The following TCF12 variants were observed in gnomAD, a reference collection of about 807,000 sequenced individuals.
TCF12 encodes transcription factor 12, also known as DNA-binding protein HTF4.
Under a neutral mutation model 86.0 loss-of-function variants are expected in TCF12, and 45 were observed. That is an observed-to-expected ratio of 0.52 (90% CI 0.41 to 0.67). TCF12 has a LOEUF of 0.67. Among genes scored for constraint, TCF12 ranks in the 30% least tolerant of loss-of-function variants. The pLI, the probability that TCF12 is intolerant of heterozygous loss-of-function variation, is 0.00. For synonymous variants in TCF12, 330 were observed against 299.6 expected (o/e 1.10, Z -1.05); for missense variants, 881 against 859.9 (o/e 1.02, Z -0.31).
At chr15:57,252,007 T>A (rs1227782741) in intron 14 of TCF12, among the ~76,000 whole-genome samples, 1 of 152,208 alleles carries the variant, frequency 6.6e-6, no homozygotes, top group African/African-American at 2.4e-5. Flanking sequence ...TGTGGGAGAA[T>A]GTTGACTACT....
intron 3 of TCF12, among the ~76,000 whole-genome samples, chr15:57,017,187 C>G (rs1458911228): frequency 6.6e-6 from 1 of 152,180 alleles, no homozygotes; most frequent in Non-Finnish European, 1.5e-5. Flanking sequence ...TATGGGTGCT[C>G]TCTCTAGAGT....
chr15:57,240,099 C>G (rs1381568883), intron 12 of TCF12, among the ~76,000 whole-genome samples: 1 of 152,142 alleles, frequency 6.6e-6, no homozygotes, highest in Admixed American at 6.6e-5. Flanking sequence ...GGGACTTTAT[C>G]AAATACAAAG....
At chr15:57,265,342 G>C (rs1202769716) in intron 18 of TCF12, among the ~76,000 whole-genome samples, 2 of 151,848 alleles carry the variant, frequency 1.3e-5, no homozygotes, top group Non-Finnish European at 2.9e-5. Context: ...AAAAATGTGC[G>C]TATTAGGTTG....
chr15:57,161,415 T>C (rs1213413548), intron 5 of TCF12, among the ~76,000 whole-genome samples: 1 of 152,256 alleles, frequency 6.6e-6, no homozygotes, highest in African/African-American at 2.4e-5. Flanking sequence ...GTCAGAATTA[T>C]CTGTCATTTC....
chr15:57,236,500 A>T (rs2059385898), intron 12 of TCF12, among the ~76,000 whole-genome samples: 1 of 152,198 alleles, frequency 6.6e-6, no homozygotes, highest in African/African-American at 2.4e-5. Flanking sequence ...GACGCTTTTA[A>T]TATAGCCTCT....
chr15:57,124,010 G>T (rs2051446787), intron 5 of TCF12, among the ~76,000 whole-genome samples: 1 of 114,732 alleles, frequency 8.7e-6, no homozygotes, highest in East Asian at 2.4e-4. Flanking sequence ...TAGGGACACA[G>T]TCTCACATTG....
At chr15:57,010,630 T>G (rs1292989610) in intron 3 of TCF12, among the ~76,000 whole-genome samples, 3 of 152,108 alleles carry the variant, frequency 2.0e-5, no homozygotes, top group African/African-American at 7.2e-5. Context: ...TCCTGCTCCT[T>G]AAAGCAAAAA....
intron 5 of TCF12, among the ~76,000 whole-genome samples, chr15:57,136,958 GTTTTTTT>G (rs869113042): frequency 4.8e-5 from 4 of 83,044 alleles, no homozygotes; most frequent in African/African-American, 1.4e-4. Flanking sequence ...GCTTCTGGCA[GTTTTTTT>G]TTTTGTTTTT....
chr15:57,162,655 A>G (rs2054582353), intron 5 of TCF12, among the ~76,000 whole-genome samples: 2 of 152,210 alleles, frequency 1.3e-5, no homozygotes, highest in Admixed American at 1.3e-4. Flanking sequence ...CCTTTATGAA[A>G]GGATAAGGAA....
chr15:57,166,543 GA>G, intron 6 of TCF12, 77 bp downstream of exon 6: 4 of 1,251,620 alleles, frequency 3.2e-6, no homozygotes, highest in Non-Finnish European at 4.5e-6. Context: ...AGATGAGATA[GA>G]AATTATCCAA....
At chr15:57,156,643 A>AG (rs1464018776) in intron 5 of TCF12, among the ~76,000 whole-genome samples, 1 of 152,144 alleles carries the variant, frequency 6.6e-6, no homozygotes, top group African/African-American at 2.4e-5. Context: ...CCATAGATGG[A>AG]GGCTTGGAGT....
At chr15:57,195,601 C>G (rs1756921567) in intron 7 of TCF12, among the ~76,000 whole-genome samples, 1 of 152,214 alleles carries the variant, frequency 6.6e-6, no homozygotes, top group South Asian at 2.1e-4. Context: ...TACTTCCCCC[C>G]TTTGCTGTTG....
chr15:57,054,773 C>CTTTTTTTTT lies in TCF12; in HGVS notation c.149-8956_149-8948dup, dbSNP rs35859330. 2.1e-4 allele frequency among the ~76,000 whole-genome samples: 5 copies of CTTTTTTTTT among 24,190 alleles called. 1 individual carries two copies. Among genetic ancestry groups the CTTTTTTTTT allele is most frequent in the Admixed American group, 1.3e-3 (2 of 1,514 alleles). The allele number at this position is 24,190 out of a possible 152,430, so 15.9% of individuals were successfully genotyped here. On this transcript the variant is annotated intron_variant, in intron 3 of 20. Transcript: ENST00000333725. The stretch of plus-strand genomic sequence containing the variant: ...AGCTGGCTTTTTTGCAATGCCTCTG[C>CTTTTTTTTT]TTTTTTTTTTTTTTTTTTTTTTTTT...
intron 12 of TCF12, among the ~76,000 whole-genome samples, chr15:57,235,360 T>A (rs1378949775): frequency 6.6e-6 from 1 of 152,150 alleles, no homozygotes; most frequent in Non-Finnish European, 1.5e-5. Flanking sequence ...AAAGGTGAAG[T>A]AACTTGAGCT....
chr15:57,019,459 A>C (rs1484734460), intron 3 of TCF12, among the ~76,000 whole-genome samples: 5 of 152,164 alleles, frequency 3.3e-5, no homozygotes, highest in Non-Finnish European at 5.9e-5. Flanking sequence ...ATTATTACTC[A>C]AATCAGCCTC....
At chr15:56,960,205 A>T (rs2061680731) in intron 3 of TCF12, among the ~76,000 whole-genome samples, 1 of 152,178 alleles carries the variant, frequency 6.6e-6, no homozygotes, top group South Asian at 2.1e-4. Flanking sequence ...CAGTTTCCTA[A>T]TGGTGAGATA....
At chr15:56,999,057 G>T (rs774954065) in intron 3 of TCF12, among the ~76,000 whole-genome samples, 1 of 151,994 alleles carries the variant, frequency 6.6e-6, no homozygotes, top group African/African-American at 2.4e-5. Flanking sequence ...AATTAGCTGG[G>T]CGTGGTGGCG....
intron 3 of TCF12, among the ~76,000 whole-genome samples, chr15:56,958,353 T>C (rs1455483367): frequency 1.3e-5 from 2 of 152,228 alleles, no homozygotes; most frequent in Non-Finnish European, 2.9e-5. Flanking sequence ...TTGTTGCCTG[T>C]TGTCCATTGT....
At chr15:57,178,585 GTTC>G (rs2056121725) in intron 6 of TCF12, among the ~76,000 whole-genome samples, 1 of 152,298 alleles carries the variant, frequency 6.6e-6, no homozygotes, top group Middle Eastern at 3.4e-3. Context: ...TTCATCTCCT[GTTC>G]TTCTAATGTT....
Sources: allele counts gnomAD v4.1 joint callset (sites outside exome capture counted in the v4.1 genomes callset), GRCh38; gene constraint gnomAD v4.1.1; transcripts MANE v1.5; gene names NCBI Gene and HGNC (gene_info 2026-07-23, HGNC 2026-07-21).